CNTN1: variants seen among roughly 807,000 people sequenced by gnomAD.
CNTN1 encodes the protein contactin 1.
CNTN1 carries 38 observed loss-of-function variants against 126.4 expected under a neutral mutation model. The ratio of observed to expected loss-of-function variants is 0.30; its 90% CI spans 0.23 to 0.39. The LOEUF (loss-of-function observed/expected upper bound fraction) is 0.39, where lower values mean the gene tolerates loss of function less well. Among genes scored for constraint, CNTN1 ranks in the 10% least tolerant of loss-of-function variants. CNTN1 has a pLI of 1.00. For missense variants in CNTN1, 1,009 were observed against 1,248.4 expected, an observed-to-expected ratio of 0.81 and a Z score of 2.89; for synonymous variants, 413 against 422.6, an observed-to-expected ratio of 0.98 and a Z score of 0.28.
intron 1 of CNTN1, among the ~76,000 whole-genome samples, chr12:40,884,428 T>C (rs1943964993): frequency 6.6e-6 from 1 of 151,618 alleles, no homozygotes. Context: ...CTATTATATG[T>C]AAACACATCA....
At chr12:40,904,254 G>A (rs745835848) in intron 1 of CNTN1, among the ~76,000 whole-genome samples, 11 of 151,910 alleles carry the variant, frequency 7.2e-5, no homozygotes, top group Admixed American at 5.9e-4. Context: ...TCCTGACCTC[G>A]TGATCCGTCC....
chr12:40,867,894 T>C (rs1483474558), intron 1 of CNTN1, among the ~76,000 whole-genome samples: 1 of 150,726 alleles, frequency 6.6e-6, no homozygotes, highest in Non-Finnish European at 1.5e-5. Context: ...TTATTATTAT[T>C]ATTATTATTA....
At chr12:40,793,909 A>G (rs531971254) in intron 1 of CNTN1, among the ~76,000 whole-genome samples, 1 of 151,938 alleles carries the variant, frequency 6.6e-6, no homozygotes, top group Non-Finnish European at 1.5e-5. Flanking sequence ...TTAGACCGCA[A>G]TTACTTTTGC....
At chr12:40,775,659 T>C (rs1252986356) in intron 1 of CNTN1, among the ~76,000 whole-genome samples, 1 of 151,584 alleles carries the variant, frequency 6.6e-6, no homozygotes, top group Non-Finnish European at 1.5e-5. Context: ...AAAACTAAAG[T>C]GTACAAATAC....
chr12:40,840,602 A>C lies in CNTN1; in HGVS notation c.-76-67755A>C, dbSNP rs535652126. 6.7e-5 allele frequency among the ~76,000 whole-genome samples: 10 copies of C among 150,166 alleles called. 1 individual carries two copies. Among genetic ancestry groups the C allele is most frequent in the African/African-American group, 2.4e-4 (10 of 41,172 alleles). The stretch of plus-strand genomic sequence containing the variant: ...AGATCATATGTGAGACAGCAAAACA[A>C]GTCTCATCAATTTTTTTTAAAAATT... On this transcript the variant is annotated intron_variant, in intron 1 of 23. Transcript: ENST00000551295.
At chr12:40,971,571 A>G in intron 15 of CNTN1, 1 of 1,549,486 alleles carries the variant, frequency 6.5e-7, no homozygotes, top group Non-Finnish European at 8.7e-7. Flanking sequence ...ATTATACTAG[A>G]TTTGACTAAC....
At position 40,845,757 on chromosome 12, in the gene CNTN1, G is replaced by C. The variant is rs570840001; in HGVS notation, c.-76-62600G>C. Among the ~76,000 whole-genome samples, 11 of 152,272 alleles carry C rather than the reference G, an allele frequency of 7.2e-5. No homozygotes were observed. The East Asian group carries it at 2.1e-3, about 29-fold the overall frequency. The stretch of plus-strand genomic sequence containing the variant: ...GTGAGCACACTGGGGTATGGGGAGC[G>C]TGGTGCACCCAGAGAGGGCACAGAA... On this transcript the variant is annotated intron_variant, in intron 1 of 23. Transcript: ENST00000551295.
chr12:40,842,145 A>G (rs905205082), intron 1 of CNTN1, among the ~76,000 whole-genome samples: 21 of 152,218 alleles, frequency 1.4e-4, no homozygotes, highest in Admixed American at 4.6e-4. Context: ...GCAAATACAG[A>G]ATAAAGTGCC....
chr12:40,997,712 A>G (rs1402023540), intron 17 of CNTN1, among the ~76,000 whole-genome samples: 1 of 152,162 alleles, frequency 6.6e-6, no homozygotes, highest in Non-Finnish European at 1.5e-5. Flanking sequence ...TGCCTTTCCT[A>G]TTAAGAGAGG....
chr12:40,833,671 T>A (rs899108990), intron 1 of CNTN1, among the ~76,000 whole-genome samples: 3 of 152,202 alleles, frequency 2.0e-5, no homozygotes, highest in African/African-American at 7.2e-5. Flanking sequence ...CTTAACTATT[T>A]TCCAAGTTGT....
chr12:40,793,259 T>C (rs1411945488), intron 1 of CNTN1, among the ~76,000 whole-genome samples: 1 of 152,058 alleles, frequency 6.6e-6, no homozygotes, highest in Non-Finnish European at 1.5e-5. Context: ...AACCTCAGGA[T>C]GGTATACAAA....
intron 1 of CNTN1, among the ~76,000 whole-genome samples, chr12:40,707,929 C>T (rs1941812779): frequency 6.6e-6 from 1 of 152,112 alleles, no homozygotes; most frequent in African/African-American, 2.4e-5. Flanking sequence ...AGGCCACTTG[C>T]TGTAATTTTT....
intron 3 of CNTN1, among the ~76,000 whole-genome samples, chr12:40,911,204 C>CCGAGTAG (rs1476319361): frequency 6.6e-6 from 1 of 152,108 alleles, no homozygotes; most frequent in African/African-American, 2.4e-5. Context: ...CCTCAGCCTC[C>CCGAGTAG]CGAGTAGCTG....
chr12:40,901,648 T>C (rs568562049), intron 1 of CNTN1, among the ~76,000 whole-genome samples: 1 of 152,306 alleles, frequency 6.6e-6, no homozygotes, highest in South Asian at 2.1e-4. Context: ...GACAGGCTGT[T>C]TGAGGGGCTA....
intron 1 of CNTN1, among the ~76,000 whole-genome samples, chr12:40,725,912 TA>T (rs200879472): frequency 6.8e-4 from 98 of 144,408 alleles, no homozygotes; most frequent in East Asian, 2.0e-3. Flanking sequence ...GGCATTCAAT[TA>T]AAAAAAAAAA....
chr12:40,842,972 T>C (rs1172050149), intron 1 of CNTN1, among the ~76,000 whole-genome samples: 1 of 152,154 alleles, frequency 6.6e-6, no homozygotes, highest in African/African-American at 2.4e-5. Flanking sequence ...TAATACCACA[T>C]ACCTGAAGGC....
chr12:40,799,742 C>T (rs1266732385), intron 1 of CNTN1, among the ~76,000 whole-genome samples: 1 of 151,960 alleles, frequency 6.6e-6, no homozygotes, highest in African/African-American at 2.4e-5. Context: ...TTAATAGTAA[C>T]TAACAACTAG....
Position 41,014,213 on chromosome 12 carries a change from G to A in CNTN1, c.2114-15G>A. On this transcript the variant is annotated splice_polypyrimidine_tract_variant and intron_variant, in intron 17 of 23. Coordinates refer to ENST00000551295, the MANE Select transcript of CNTN1 (RefSeq NM_001843.4). The stretch of plus-strand genomic sequence containing the variant: ...TTTTGTTGTTGTTTTGCATATATTT[G>A]TTTGTTTGTTTCAGCACCAAATGTG... The A allele has an allele frequency of 6.2e-7, 1 of 1,611,968 alleles. No individual in the cohort carries two copies. The highest frequency in any genetic ancestry group is 8.5e-7 in the Non-Finnish European group (1 of 1,178,238).
At chr12:41,048,088 T>C (rs1949585462) in intron 23 of CNTN1, among the ~76,000 whole-genome samples, 1 of 152,124 alleles carries the variant, frequency 6.6e-6, no homozygotes, top group Non-Finnish European at 1.5e-5. Context: ...CTACTCTAAC[T>C]TCACCATACT....
Sources: gnomAD v4.1 joint callset for allele counts (sites outside exome capture counted in the v4.1 genomes callset) on GRCh38, gnomAD v4.1.1 for gene constraint, MANE v1.5 for transcripts, NCBI Gene and HGNC (gene_info 2026-07-23, HGNC 2026-07-21) for gene names.